ACSM2B: variants seen among roughly 807,000 people sequenced by gnomAD.
The protein encoded by ACSM2B is acyl-coenzyme A synthetase ACSM2B, mitochondrial.
ACSM2B carries 58 observed loss-of-function variants against 78.6 expected under a neutral mutation model. The observed-to-expected ratio is 0.74, with a 90% CI of 0.60 to 0.92. The LOEUF is 0.92. ACSM2B is among the 40% of genes least tolerant of loss of function. ACSM2B has a pLI of 0.00. For missense variants in ACSM2B, 688 were observed against 711.2 expected (o/e 0.97, Z 0.37); for synonymous variants, 257 against 256.8 (o/e 1.00, Z -0.01).
At chr16:20,560,360 C>T (rs2015614833) in intron 2 of ACSM2B, among the ~76,000 whole-genome samples, 1 of 151,922 alleles carries the variant, frequency 6.6e-6, no homozygotes, top group Admixed American at 6.5e-5. Flanking sequence ...TCATGAATGG[C>T]TTAGCACCAT....
chr16:20,550,096 T>A (rs1223197619), intron 6 of ACSM2B, among the ~76,000 whole-genome samples: 7 of 152,116 alleles, frequency 4.6e-5, no homozygotes, highest in African/African-American at 1.2e-4. Flanking sequence ...CCTGAAACAG[T>A]CTCTCAGGTT....
intron 2 of ACSM2B, among the ~76,000 whole-genome samples, chr16:20,563,020 C>T (rs2015711839): frequency 6.6e-6 from 1 of 152,142 alleles, no homozygotes; most frequent in Non-Finnish European, 1.5e-5. Context: ...ATCAGTAGCA[C>T]CCATTCCTTA....
Position 20,564,856 on chromosome 16 carries a change from G to A in ACSM2B, c.-8-3C>T. 1 of 1,599,636 alleles carries A rather than the reference G, an allele frequency of 6.3e-7. No individual in the cohort carries two copies. Among genetic ancestry groups the A allele is most frequent in the Non-Finnish European group, 8.5e-7 (1 of 1,172,072 alleles). On this transcript the variant is annotated splice_polypyrimidine_tract_variant and splice_region_variant and intron_variant, in intron 1 of 13. Coordinates refer to ENST00000329697, the MANE Select transcript of ACSM2B (RefSeq NM_001105069.2). ...TCGCAGCCAATGCATGTTCAGGCCT[G>A]TAAAAGAAAGAAGAGACACAGGTAA...
intron 10 of ACSM2B, chr16:20,544,585 C>T (rs1372490046): frequency 1.0e-6 from 1 of 985,194 alleles, no homozygotes; most frequent in Non-Finnish European, 1.2e-6. Flanking sequence ...GATCAGAAGG[C>T]ATGCCCTTGG....
chr16:20,556,403 A>G (rs1213052279), intron 3 of ACSM2B, among the ~76,000 whole-genome samples: 2 of 152,182 alleles, frequency 1.3e-5, no homozygotes, highest in Non-Finnish European at 2.9e-5. Flanking sequence ...AGAGTTCAAG[A>G]CCAGCCTGGC....
intron 1 of ACSM2B, among the ~76,000 whole-genome samples, chr16:20,569,418 T>A (rs572224737): frequency 6.6e-6 from 1 of 152,106 alleles, no homozygotes; most frequent in Non-Finnish European, 1.5e-5. Context: ...GTTCCTTCTG[T>A]TCCATGGTTC....
intron 6 of ACSM2B, among the ~76,000 whole-genome samples, chr16:20,549,103 T>A (rs1459826222): frequency 1.3e-5 from 2 of 152,148 alleles, no homozygotes; most frequent in African/African-American, 2.4e-5. Context: ...ACCCATGATG[T>A]ACAAGGTTAA....
intron 13 of ACSM2B, among the ~76,000 whole-genome samples, chr16:20,538,055 G>A (rs1363450874): frequency 1.3e-5 from 2 of 152,110 alleles, no homozygotes; most frequent in Non-Finnish European, 2.9e-5. Context: ...TGATAAAGAC[G>A]CCTCATTGAG....
intron 2 of ACSM2B, 22 bp downstream of exon 2, chr16:20,564,647 T>C (rs769515859): frequency 1.9e-6 from 3 of 1,613,414 alleles, no homozygotes; most frequent in African/African-American, 2.7e-5. Context: ...TCTCACTCTG[T>C]GCCTCTTTTC....
intron 1 of ACSM2B, among the ~76,000 whole-genome samples, chr16:20,565,833 A>G (rs1596733245): frequency 6.6e-6 from 1 of 151,914 alleles, no homozygotes; most frequent in African/African-American, 2.4e-5. Flanking sequence ...CATTTCCCCC[A>G]ACTCCTCAAA....
chr16:20,543,069 C>A, intron 11 of ACSM2B, 56 bp from the exon 12 acceptor site: 2 of 1,612,742 alleles, frequency 1.2e-6, no homozygotes, highest in East Asian at 2.2e-5. Context: ...TAGGCCATTC[C>A]GGAAGTCTGG....
chr16:20,569,081 A>G (rs2016018617), intron 1 of ACSM2B, among the ~76,000 whole-genome samples: 1 of 151,598 alleles, frequency 6.6e-6, no homozygotes, highest in Non-Finnish European at 1.5e-5. Flanking sequence ...AGTCCCATCT[A>G]TTTATCTTCA....
intron 2 of ACSM2B, among the ~76,000 whole-genome samples, chr16:20,561,030 T>A (rs2015637824): frequency 6.6e-6 from 1 of 152,072 alleles, no homozygotes; most frequent in African/African-American, 2.4e-5. Context: ...AACAGAGCAT[T>A]CAAGATTTGA....
At chr16:20,560,792 A>G (rs1240721996) in intron 2 of ACSM2B, among the ~76,000 whole-genome samples, 3 of 152,106 alleles carry the variant, frequency 2.0e-5, no homozygotes, top group Non-Finnish European at 4.4e-5. Context: ...CGTCTTAGGC[A>G]CTGGTTAAAT....
intron 8 of ACSM2B, 191 bp from the exon 9 acceptor site, chr16:20,546,665 G>A (rs557519468): frequency 4.6e-6 from 5 of 1,097,518 alleles, no homozygotes; most frequent in Middle Eastern, 3.2e-4. Flanking sequence ...TCACTAAATT[G>A]TTTGTTCAGG....
intron 8 of ACSM2B, chr16:20,547,620 G>A (rs2015178439): frequency 2.0e-6 from 2 of 1,003,480 alleles, no homozygotes; most frequent in African/African-American, 3.5e-5. Flanking sequence ...AGCCATGGTG[G>A]GTTCTTCTTC....
chr16:20,559,508 T>A (rs1395995671), intron 2 of ACSM2B, 61 bp from the exon 3 acceptor site: 4 of 1,574,116 alleles, frequency 2.5e-6, no homozygotes, highest in Admixed American at 3.6e-5. Context: ...TAGGATAAAT[T>A]CCAAGTCTTG....
intron 6 of ACSM2B, chr16:20,549,548 C>T (rs577811365): frequency 4.9e-6 from 1 of 203,436 alleles, no homozygotes; most frequent in South Asian, 6.5e-5. Context: ...TCTTAAATGC[C>T]CCACTGCTTA....
intron 1 of ACSM2B, among the ~76,000 whole-genome samples, chr16:20,571,874 G>A (rs1173510808): frequency 2.6e-5 from 4 of 151,360 alleles, no homozygotes; most frequent in African/African-American, 9.7e-5. Context: ...TGTTTTGTCT[G>A]TTATAAATAT....
Sources: gnomAD v4.1 joint callset for allele counts (sites outside exome capture counted in the v4.1 genomes callset) on GRCh38, gnomAD v4.1.1 for gene constraint, MANE v1.5 for transcripts, NCBI Gene and HGNC (gene_info 2026-07-23, HGNC 2026-07-21) for gene names.